The following AUTS2 variants were observed in gnomAD, a reference collection of about 807,000 sequenced individuals.
The protein encoded by AUTS2 is autism susceptibility gene 2 protein.
Under a neutral mutation model 112.4 loss-of-function variants are expected in AUTS2, and 17 were observed. The observed-to-expected ratio is 0.15, with a 90% confidence interval of 0.10 to 0.23. The LOEUF is 0.23. AUTS2 is among the 10% of genes least tolerant of loss of function. The probability of loss-of-function intolerance (pLI) is 1.00; values close to 1 mark genes in which losing one functional copy is unlikely to be tolerated. For missense variants in AUTS2, 1,510 were observed against 1,701.6 expected (o/e 0.89, Z 1.98); for synonymous variants, 751 against 702.7 (o/e 1.07, Z -1.09).
chr7:70,566,790 G>T (rs895561407), intron 5 of AUTS2, among the ~76,000 whole-genome samples: 3 of 152,172 alleles, frequency 2.0e-5, no homozygotes, highest in African/African-American at 7.2e-5. Flanking sequence ...ATTTGAGTCA[G>T]GTAATCTACA....
intron 2 of AUTS2, among the ~76,000 whole-genome samples, chr7:69,988,622 G>A (rs1190336410): frequency 6.6e-6 from 1 of 152,116 alleles, no homozygotes; most frequent in Non-Finnish European, 1.5e-5. Context: ...GAAGGTGATA[G>A]GCACTCAACA....
Position 69,876,530 on chromosome 7 carries a change from A to G in AUTS2, c.310-22756A>G, listed in dbSNP as rs1173422255. ...TATATATATATATATATATATATAT[A>G]TATATATATATATATTTTCAGTGTT... On this transcript the variant is annotated intron_variant, in intron 1 of 18. Coordinates refer to ENST00000342771, the MANE Select transcript of AUTS2 (RefSeq NM_015570.4). 1.6e-3 allele frequency among the ~76,000 whole-genome samples: 60 copies of G among 36,540 alleles called. 2 individuals carry two copies. The highest frequency in any genetic ancestry group is 3.1e-3 in the African/African-American group (22 of 6,996). The allele number at this position is 36,540 out of a possible 152,430, so 24.0% of individuals were successfully genotyped here. A position where few individuals can be genotyped will look rare whatever the true frequency, so the allele number is the denominator to read the frequency against.
intron 1 of AUTS2, among the ~76,000 whole-genome samples, chr7:69,841,644 G>A (rs973644874): frequency 6.6e-6 from 1 of 152,212 alleles, no homozygotes; most frequent in African/African-American, 2.4e-5. Flanking sequence ...TTTTCAAAAA[G>A]CCAGTGTCGT....
intron 5 of AUTS2, among the ~76,000 whole-genome samples, chr7:70,575,217 T>C (rs1018027303): frequency 6.6e-6 from 1 of 152,180 alleles, no homozygotes; most frequent in African/African-American, 2.4e-5. Flanking sequence ...CTGAGATTAT[T>C]TTTGGCCTTC....
chr7:70,126,249 T>C (rs1805964666), intron 3 of AUTS2, among the ~76,000 whole-genome samples: 1 of 152,014 alleles, frequency 6.6e-6, no homozygotes, highest in African/African-American at 2.4e-5. Context: ...TGAAACCCCG[T>C]CTCTACTAAA....
At chr7:70,657,825 T>C (rs1051383753) in intron 5 of AUTS2, among the ~76,000 whole-genome samples, 6 of 152,166 alleles carry the variant, frequency 3.9e-5, no homozygotes, top group Admixed American at 2.6e-4. Flanking sequence ...AGTAACCTCA[T>C]GTTTCTGGGG....
chr7:70,289,992 G>C (rs1476166780), intron 4 of AUTS2, among the ~76,000 whole-genome samples: 1 of 152,110 alleles, frequency 6.6e-6, no homozygotes, highest in African/African-American at 2.4e-5. Flanking sequence ...TGTCACTGAT[G>C]GGGAAAAATC....
intron 5 of AUTS2, among the ~76,000 whole-genome samples, chr7:70,696,440 C>A (rs1280205030): frequency 6.6e-6 from 1 of 152,164 alleles, no homozygotes; most frequent in African/African-American, 2.4e-5. Flanking sequence ...CTTGTATCAG[C>A]CAAGTAAGGG....
chr7:70,308,325 T>A (rs765383245), intron 4 of AUTS2, among the ~76,000 whole-genome samples: 4 of 152,202 alleles, frequency 2.6e-5, no homozygotes, highest in African/African-American at 4.8e-5. Context: ...CATCAGCATT[T>A]CTGGGGATGT....
chr7:70,178,918 C>T (rs1044251448), intron 4 of AUTS2, among the ~76,000 whole-genome samples: 1 of 152,132 alleles, frequency 6.6e-6, no homozygotes, highest in African/African-American at 2.4e-5. Context: ...CTTAACAACC[C>T]ACTGTGACTC....
chr7:70,309,085 GT>G (rs1190837950), intron 4 of AUTS2, among the ~76,000 whole-genome samples: 1 of 152,192 alleles, frequency 6.6e-6, no homozygotes, highest in East Asian at 1.9e-4. Flanking sequence ...TTAGTTAGAA[GT>G]TTTTGAACCC....
chr7:69,670,778 C>T (rs1027823191), intron 1 of AUTS2, among the ~76,000 whole-genome samples: 1 of 151,922 alleles, frequency 6.6e-6, no homozygotes, highest in African/African-American at 2.4e-5. Context: ...GTGGGAGGAT[C>T]GCCTGAGCCT....
chr7:70,262,708 T>C (rs1279100582), intron 4 of AUTS2, among the ~76,000 whole-genome samples: 2 of 152,170 alleles, frequency 1.3e-5, no homozygotes, highest in Non-Finnish European at 2.9e-5. Flanking sequence ...ATGTAAAAAA[T>C]AGAATTATGA....
At position 70,714,349 on chromosome 7, in the gene AUTS2, A is replaced by G. The variant is rs532222641; in HGVS notation, c.742+15729A>G. On this transcript the variant is annotated intron_variant, in intron 6 of 18. Coordinates refer to ENST00000342771, the MANE Select transcript of AUTS2 (RefSeq NM_015570.4). ...CACCTTTTTTTTCTTTATTGCTGAA[A>G]TATTTTAAAGCATGTCTCAGACTTC... Among the ~76,000 whole-genome samples the G allele has an allele frequency of 5.9e-5, 9 of 152,312 alleles. No homozygotes were observed. In the South Asian group the frequency reaches 1.9e-3, roughly 32 times the overall value.
intron 2 of AUTS2, among the ~76,000 whole-genome samples, chr7:69,980,625 T>A (rs1246535056): frequency 6.6e-6 from 1 of 152,152 alleles, no homozygotes; most frequent in Non-Finnish European, 1.5e-5. Context: ...TTACATTGTA[T>A]GTATTAGAAG....
At chr7:70,373,152 G>C (rs1433485077) in intron 4 of AUTS2, among the ~76,000 whole-genome samples, 1 of 151,624 alleles carries the variant, frequency 6.6e-6, no homozygotes, top group East Asian at 1.9e-4. Context: ...TGAGAAACCA[G>C]GGGGGAGTGG....
intron 4 of AUTS2, among the ~76,000 whole-genome samples, chr7:70,387,263 C>T (rs1305315807): frequency 6.6e-6 from 1 of 152,144 alleles, no homozygotes; most frequent in African/African-American, 2.4e-5. Context: ...ACAGAAATGT[C>T]TCTCCTTGTA....
intron 1 of AUTS2, among the ~76,000 whole-genome samples, chr7:69,796,642 A>G (rs1453954621): frequency 1.3e-5 from 2 of 152,190 alleles, no homozygotes; most frequent in Non-Finnish European, 2.9e-5. Flanking sequence ...ATTTATGGTC[A>G]TACCTCTCCA....
intron 1 of AUTS2, among the ~76,000 whole-genome samples, chr7:69,738,865 G>A (rs1787148110): frequency 6.6e-6 from 1 of 152,038 alleles, no homozygotes; most frequent in African/African-American, 2.4e-5. Flanking sequence ...TGTTCTTTTG[G>A]TAATCAGTGT....
Sources: gnomAD v4.1 joint callset for allele counts (sites outside exome capture counted in the v4.1 genomes callset) on GRCh38, gnomAD v4.1.1 for gene constraint, MANE v1.5 for transcripts, NCBI Gene and HGNC (gene_info 2026-07-23, HGNC 2026-07-21) for gene names.